The following SHISA6 variants were observed in gnomAD, a reference collection of about 807,000 sequenced individuals.
SHISA6 encodes protein shisa-6.
SHISA6 carries 22 observed loss-of-function variants against 47.9 expected under a neutral mutation model. That is an observed-to-expected ratio of 0.46 (90% CI 0.33 to 0.66). The LOEUF (loss-of-function observed/expected upper bound fraction) is 0.66. Ranked by LOEUF, SHISA6 falls within the 30% of genes least tolerant of loss-of-function variation. The pLI is 0.02. For synonymous variants in SHISA6, 388 were observed against 337.8 expected, an observed-to-expected ratio of 1.15 and a Z score of -1.63; for missense variants, 680 against 764.6, an observed-to-expected ratio of 0.89 and a Z score of 1.30.
chr17:11,276,762 C>CCAT (rs748283616), intron 2 of SHISA6, among the ~76,000 whole-genome samples: 10 of 152,034 alleles, frequency 6.6e-5, no homozygotes, highest in Non-Finnish European at 8.8e-5. Context: ...ACCATCATCA[C>CCAT]CATCATCATC....
chr17:11,465,808 C>T (rs762461927), intron 3 of SHISA6, among the ~76,000 whole-genome samples: 5 of 152,210 alleles, frequency 3.3e-5, no homozygotes, highest in African/African-American at 4.8e-5. Flanking sequence ...GTTTGCACAA[C>T]TGCATCTGTC....
intron 3 of SHISA6, among the ~76,000 whole-genome samples, chr17:11,437,373 A>C (rs901097399): frequency 2.0e-5 from 3 of 152,220 alleles, no homozygotes; most frequent in Non-Finnish European, 4.4e-5. Context: ...CTCGAAGTGG[A>C]TCACGGGTCA....
At chr17:11,330,876 C>CT in intron 2 of SHISA6, among the ~76,000 whole-genome samples, 1 of 152,154 alleles carries the variant, frequency 6.6e-6, no homozygotes, top group East Asian at 1.9e-4. Flanking sequence ...TTTCTGAGTG[C>CT]TCGTGAGCCA....
In SHISA6 at chr17:11,280,443, C is replaced by T. The variant is rs78764831; in HGVS notation, c.799+16917C>T. 6.8e-3 allele frequency among the ~76,000 whole-genome samples: 1,035 copies of T among 152,278 alleles called. 10 individuals carry two copies. The highest frequency in any genetic ancestry group is 0.024 in the African/African-American group (995 of 41,556). On this transcript the variant is annotated intron_variant, in intron 2 of 5. Transcript: ENST00000441885. ...TAAGGTGCTGCATGTAGGCGTCTGG[C>T]GAGAGAGGTTGCAATACAACAGGTA...
At chr17:11,327,405 T>C (rs1297011695) in intron 2 of SHISA6, among the ~76,000 whole-genome samples, 1 of 152,190 alleles carries the variant, frequency 6.6e-6, no homozygotes, top group Non-Finnish European at 1.5e-5. Context: ...AACCAAAATA[T>C]TCTCTTGTGG....
At chr17:11,251,759 C>T (rs139550520) in intron 1 of SHISA6, among the ~76,000 whole-genome samples, 355 of 152,256 alleles carry the variant, frequency 2.3e-3, no homozygotes, top group Middle Eastern at 6.8e-3. Context: ...TAATGACTCA[C>T]GCTTTCCCTG....
At chr17:11,388,486 C>A (rs1330235794) in intron 3 of SHISA6, among the ~76,000 whole-genome samples, 1 of 151,884 alleles carries the variant, frequency 6.6e-6, no homozygotes. Context: ...TGGGACGGCA[C>A]CCCTGTTTAC....
chr17:11,340,494 C>T (rs1234664477), intron 2 of SHISA6, among the ~76,000 whole-genome samples: 1 of 152,188 alleles, frequency 6.6e-6, no homozygotes, highest in Non-Finnish European at 1.5e-5. Flanking sequence ...AATGCCTGGT[C>T]CCAGACTTGC....
At chr17:11,293,844 A>G (rs915242609) in intron 2 of SHISA6, among the ~76,000 whole-genome samples, 1 of 152,022 alleles carries the variant, frequency 6.6e-6, no homozygotes, top group African/African-American at 2.4e-5. Flanking sequence ...AGTTCGAATA[A>G]ATTATTATTG....
intron 2 of SHISA6, chr17:11,289,588 A>ATG (rs1338360461): frequency 1.4e-4 from 8 of 59,068 alleles, no homozygotes; most frequent in Non-Finnish European, 1.4e-4. Context: ...ATATATATAT[A>ATG]TGTATATATA....
chr17:11,544,984 T>C (rs562630033), intron 3 of SHISA6, among the ~76,000 whole-genome samples: 114 of 144,222 alleles, frequency 7.9e-4, no homozygotes, highest in Non-Finnish European at 1.4e-3. Flanking sequence ...AAAAAAAAAT[T>C]AAATATGCAA....
chr17:11,303,263 T>C (rs1374740848), intron 2 of SHISA6, among the ~76,000 whole-genome samples: 1 of 151,026 alleles, frequency 6.6e-6, no homozygotes, highest in African/African-American at 2.5e-5. Context: ...GTGATTGTGG[T>C]TGTGAGTATG....
intron 2 of SHISA6, among the ~76,000 whole-genome samples, chr17:11,318,401 T>C (rs1372893647): frequency 6.6e-6 from 1 of 152,256 alleles, no homozygotes; most frequent in Admixed American, 6.5e-5. Context: ...GGCTTCGTCC[T>C]GTGCCAAGCC....
At chr17:11,296,528 G>A (rs1909756051) in intron 2 of SHISA6, among the ~76,000 whole-genome samples, 1 of 152,182 alleles carries the variant, frequency 6.6e-6, no homozygotes, top group Admixed American at 6.5e-5. Flanking sequence ...GAATAGAAAA[G>A]AGTCCTCAGT....
At chr17:11,502,105 G>C (rs1160084406) in intron 3 of SHISA6, among the ~76,000 whole-genome samples, 1 of 152,126 alleles carries the variant, frequency 6.6e-6, no homozygotes, top group Non-Finnish European at 1.5e-5. Flanking sequence ...ATATACCATT[G>C]CAGAGGGTTA....
chr17:11,349,624 G>T (rs964443474), intron 2 of SHISA6, among the ~76,000 whole-genome samples: 2 of 152,196 alleles, frequency 1.3e-5, no homozygotes, highest in African/African-American at 4.8e-5. Flanking sequence ...TGGGGGACGC[G>T]TGAATGTGTA....
chr17:11,289,073 T>C (rs1217912778), intron 2 of SHISA6: 3 of 152,204 alleles, frequency 2.0e-5, no homozygotes, highest in African/African-American at 7.2e-5. Flanking sequence ...ATTATTATAT[T>C]TTTGTCATGG....
At chr17:11,469,884 T>C (rs567135002) in intron 3 of SHISA6, among the ~76,000 whole-genome samples, 2 of 152,316 alleles carry the variant, frequency 1.3e-5, no homozygotes, top group South Asian at 4.1e-4. Flanking sequence ...TTACCTTCAA[T>C]GTAATTGTAT....
At chr17:11,549,120 A>G (rs1256008595) in intron 3 of SHISA6, among the ~76,000 whole-genome samples, 1 of 152,248 alleles carries the variant, frequency 6.6e-6, no homozygotes, top group Non-Finnish European at 1.5e-5. Context: ...TACAGTCTGT[A>G]CAAAATGACA....
Sources: gnomAD v4.1 joint callset for allele counts (sites outside exome capture counted in the v4.1 genomes callset) on GRCh38, gnomAD v4.1.1 for gene constraint, MANE v1.5 for transcripts, NCBI Gene and HGNC (gene_info 2026-07-23, HGNC 2026-07-21) for gene names.